Variants in LRRTM3 observed in about 807,000 individuals in gnomAD.
The protein encoded by LRRTM3 is leucine rich repeat transmembrane neuronal 3, also known as leucine-rich repeat transmembrane neuronal protein 3.
A neutral mutation model predicts 44.7 loss-of-function variants in LRRTM3; 24 were observed. The observed-to-expected ratio is 0.54, with a 90% CI of 0.39 to 0.76. LRRTM3 has a LOEUF of 0.76. Ranked by LOEUF, LRRTM3 falls within the 30% of genes least tolerant of loss-of-function variation. LRRTM3 has a pLI of 0.00. For missense variants in LRRTM3, 587 were observed against 702.2 expected, an observed-to-expected ratio of 0.84 and a Z score of 1.85; for synonymous variants, 277 against 278.7, an observed-to-expected ratio of 0.99 and a Z score of 0.06.
At chr10:66,935,547 T>G (rs909675826) in intron 2 of LRRTM3, among the ~76,000 whole-genome samples, 2 of 152,022 alleles carry the variant, frequency 1.3e-5, no homozygotes, top group African/African-American at 4.8e-5. Context: ...AATGGAATAT[T>G]TAAAGATCTT....
At chr10:67,027,930 A>G (rs1413405215) in intron 2 of LRRTM3, among the ~76,000 whole-genome samples, 1 of 152,146 alleles carries the variant, frequency 6.6e-6, no homozygotes, top group Non-Finnish European at 1.5e-5. Flanking sequence ...TTTGTATAGT[A>G]CTTTTTTGTT....
chr10:66,989,636 A>G lies in LRRTM3; in HGVS notation c.1536+61184A>G, dbSNP rs140760800. On this transcript the variant is annotated intron_variant, in intron 2 of 2. Transcript: ENST00000361320. ...TATACATACTGAAAGAACTTTTTCT[A>G]TATATGAGTGAATAGCTTACCTAAC... is the stretch of plus-strand genomic sequence containing the variant. 3.0e-4 allele frequency among the ~76,000 whole-genome samples: 45 copies of G among 152,274 alleles called. 2 individuals are homozygous for G. In the East Asian group the frequency reaches 8.5e-3, roughly 29 times the overall value.
intron 2 of LRRTM3, among the ~76,000 whole-genome samples, chr10:67,096,258 G>A (rs1300286915): frequency 1.3e-5 from 2 of 151,540 alleles, no homozygotes; most frequent in African/African-American, 4.8e-5. Flanking sequence ...ATTTGCTCCA[G>A]GAATTTTCAC....
intron 2 of LRRTM3, among the ~76,000 whole-genome samples, chr10:66,936,285 T>G (rs2132660679): frequency 6.6e-6 from 1 of 152,158 alleles, no homozygotes; most frequent in South Asian, 2.1e-4. Context: ...GATTTCAAAA[T>G]AGCCAAAAGC....
intron 2 of LRRTM3, among the ~76,000 whole-genome samples, chr10:66,997,829 C>T (rs1851440924): frequency 6.6e-6 from 1 of 152,124 alleles, no homozygotes; most frequent in Non-Finnish European, 1.5e-5. Flanking sequence ...TCCACAAAAT[C>T]ACCCAAGCCA....
intron 2 of LRRTM3, among the ~76,000 whole-genome samples, chr10:67,030,509 C>T (rs979664060): frequency 2.6e-5 from 4 of 151,772 alleles, no homozygotes; most frequent in Non-Finnish European, 4.4e-5. Context: ...TATATAAATA[C>T]ATAAATTAAT....
chr10:66,963,971 C>T (rs532145495), intron 2 of LRRTM3, among the ~76,000 whole-genome samples: 87 of 152,014 alleles, frequency 5.7e-4, no homozygotes, highest in Non-Finnish European at 1.0e-3. Context: ...CTCAGCCTCC[C>T]GAGTGGCTGG....
At position 67,007,078 on chromosome 10, in the gene LRRTM3, G is replaced by A. The variant is rs1347780237; in HGVS notation, c.1536+78626G>A. Among the ~76,000 whole-genome samples, 5 of 152,154 alleles carry A rather than the reference G, an allele frequency of 3.3e-5. No homozygotes were observed. The East Asian group carries it at 9.6e-4, about 29-fold the overall frequency. ...CCCAAAGTGCTGGGATTACAGGCGT[G>A]AGCCACCACACCCAGCTTACAGTCT... On this transcript the variant is annotated intron_variant, in intron 2 of 2. Coordinates refer to ENST00000361320, the MANE Select transcript of LRRTM3 (RefSeq NM_178011.5).
rs1454243000 is a variant in LRRTM3, at chr10:66,927,955, C to A, written c.1039C>A (p.Gln347Lys). ...TIICASPKELQGVNVIDAVKN... is the reference protein window; with the variant it reads ...TIICASPKELKGVNVIDAVKN... ...TATCTGTGCCAGTCCCAAAGAGCTG[C>A]AAGGAGTAAATGTGATCGATGCAGT... The change falls in exon 2 of 3, where the codon CAA (glutamine) becomes AAA (lysine). Residue 347 changes from glutamine to lysine, a missense_variant. Gln to Lys is a moderately conservative substitution (Grantham distance 53). Around this residue, in one of 3 missense-constraint regions of LRRTM3, gnomAD observed 315 missense variants for 335.6 expected, o/e 0.94. Transcript: ENST00000361320. This position sits in a 1 kb window ranked among gnomAD's most constrained non-coding sequence, Gnocchi z 4.7. The A allele has an allele frequency of 1.9e-6, 3 of 1,614,212 alleles. No homozygotes were observed. The highest frequency in any genetic ancestry group is 2.5e-6 in the Non-Finnish European group (3 of 1,180,044).
intron 2 of LRRTM3, among the ~76,000 whole-genome samples, chr10:66,964,290 T>G (rs1849281489): frequency 6.6e-6 from 1 of 151,586 alleles, no homozygotes; most frequent in Non-Finnish European, 1.5e-5. Context: ...TTTTTTTTTT[T>G]TCCGCATTTC....
chr10:66,942,548 GTC>G (rs67598003), intron 2 of LRRTM3, among the ~76,000 whole-genome samples: 7,237 of 147,594 alleles, frequency 0.049, 325 homozygotes, highest in African/African-American at 0.12. Context: ...TTGCCATAAT[GTC>G]TCTCTCTCTC....
At chr10:66,970,933 A>G (rs1304668796) in intron 2 of LRRTM3, among the ~76,000 whole-genome samples, 1 of 152,178 alleles carries the variant, frequency 6.6e-6, no homozygotes, top group Non-Finnish European at 1.5e-5. Context: ...ACCAAGTGAA[A>G]TAGAAAGAAG....
At chr10:67,067,075 T>C (rs1391468298) in intron 2 of LRRTM3, among the ~76,000 whole-genome samples, 10 of 152,166 alleles carry the variant, frequency 6.6e-5, no homozygotes, top group Admixed American at 6.5e-4. Flanking sequence ...ATGCTTTGAG[T>C]ATATTTGTGT....
At chr10:67,084,739 T>C (rs1004429508) in intron 2 of LRRTM3, among the ~76,000 whole-genome samples, 33 of 151,886 alleles carry the variant, frequency 2.2e-4, no homozygotes, top group Middle Eastern at 3.2e-3. Context: ...CATAAAAGCA[T>C]AAGATTAAGC....
At chr10:66,975,313 A>G (rs540529775) in intron 2 of LRRTM3, among the ~76,000 whole-genome samples, 2 of 152,336 alleles carry the variant, frequency 1.3e-5, no homozygotes, top group East Asian at 3.9e-4. Context: ...AGTATGCACA[A>G]CATGCATGCT....
chr10:67,003,501 T>C (rs1367433837), intron 2 of LRRTM3, among the ~76,000 whole-genome samples: 1 of 152,232 alleles, frequency 6.6e-6, no homozygotes, highest in East Asian at 1.9e-4. Flanking sequence ...CTTTGCATAC[T>C]ATATTCCCAA....
intron 2 of LRRTM3, among the ~76,000 whole-genome samples, chr10:67,064,799 C>T (rs1208581365): frequency 6.6e-6 from 1 of 151,616 alleles, no homozygotes; most frequent in Non-Finnish European, 1.5e-5. Flanking sequence ...TTTTACTTCA[C>T]ATACATTAGA....
At chr10:67,002,249 A>G (rs1851733549) in intron 2 of LRRTM3, among the ~76,000 whole-genome samples, 1 of 152,132 alleles carries the variant, frequency 6.6e-6, no homozygotes, top group African/African-American at 2.4e-5. Flanking sequence ...CTTATCTATA[A>G]TATTCTACTT....
intron 2 of LRRTM3, among the ~76,000 whole-genome samples, chr10:67,023,322 A>T (rs1188109629): frequency 6.6e-6 from 1 of 152,150 alleles, no homozygotes; most frequent in East Asian, 1.9e-4. Flanking sequence ...GAGTAGAATA[A>T]GACATTCCTC....
Sources: gnomAD v4.1 joint callset for allele counts (sites outside exome capture counted in the v4.1 genomes callset) on GRCh38, gnomAD v4.1.1 for gene constraint, gnomAD v4.1.1 regional missense constraint, Gnocchi (gnomAD v3.1) non-coding constraint, MANE v1.5 for transcripts, NCBI Gene and HGNC (gene_info 2026-07-23, HGNC 2026-07-21) for gene names.